Variants in MC1R observed in about 807,000 individuals in gnomAD.
The protein encoded by MC1R is melanocyte-stimulating hormone receptor.
For synonymous variants in MC1R, 263 were observed against 203.8 expected (o/e 1.29, Z -2.47); for missense variants, 542 against 430.0 (o/e 1.26, Z -2.30).
In MC1R at chr16:89,919,278, A is replaced by G. The variant is rs781549818; in HGVS notation, c.20A>G (p.Gln7Arg). ...AGGACTATGGCTGTGCAGGGATCCC[A>G]GAGAAGACTTCTGGGCTCCCTCAAC... is the stretch of plus-strand genomic sequence containing the variant. MAVQGS[Q>R]RRLLGSLNST... The change falls in exon 1 of 1, where the codon CAG (glutamine) becomes CGG (arginine). Residue 7 changes from glutamine (Q) to arginine (R), a missense_variant. Gln to Arg is a conservative substitution (Grantham distance 43). Transcript: ENST00000555147. 6.9e-6 allele frequency: 11 copies of G among 1,588,616 alleles called. No individual in the cohort carries two copies. Among genetic ancestry groups the G allele is most frequent in the Non-Finnish European group, 7.7e-6 (9 of 1,167,264 alleles).
At position 89,920,350 on chromosome 16, in the gene MC1R, A is replaced by G; in HGVS notation, c.*138A>G. Reference sequence around the variant, plus strand: ...AAGAGGATGGACTAAATGATCTCTGAAAGTGTTGAAGCGCGGACCCTTCTG... The same window carrying G: ...AAGAGGATGGACTAAATGATCTCTGGAAGTGTTGAAGCGCGGACCCTTCTG... On this transcript the variant is annotated 3_prime_UTR_variant, in exon 1 of 1. Transcript: ENST00000555147. The G allele has an allele frequency of 1.3e-6, 1 of 774,274 alleles. No individual in the cohort carries two copies. The highest frequency in any genetic ancestry group is 1.8e-5 in the South Asian group (1 of 55,540). The allele number at this position is 774,274 out of a possible 1,614,324, so 48.0% of individuals were successfully genotyped here.
In MC1R at chr16:89,920,074, G is replaced by T. The variant is rs374760264; in HGVS notation, c.816G>T (p.Thr272=). 1.9e-6 allele frequency: 3 copies of T among 1,613,802 alleles called. No homozygotes were observed. Among genetic ancestry groups the T allele is most frequent in the East Asian group, 4.5e-5 (2 of 44,882 alleles). ...TLIVLCPEHP[T]CGCIFKNFNL... ...TCGTCCTCTGCCCCGAGCACCCCAC[G>T]TGCGGCTGCATCTTCAAGAACTTCA... Residue 272 remains threonine (T), a synonymous_variant, in exon 1 of 1, where the codon ACG becomes ACT. Transcript: ENST00000555147.
chr16:89,920,706 C>T lies in MC1R; in HGVS notation c.*494C>T, dbSNP rs1265965528. On this transcript the variant is annotated 3_prime_UTR_variant, in exon 1 of 1. Coordinates refer to ENST00000555147, the MANE Select transcript of MC1R (RefSeq NM_002386.4). Reference sequence around the variant, plus strand: ...GGGCTTTGTGACCAGAAAGCTTCATCCACAGCCTTGCAGCGGCTCCTGCAA... The same window carrying T: ...GGGCTTTGTGACCAGAAAGCTTCATTCACAGCCTTGCAGCGGCTCCTGCAA... 4.2e-6 allele frequency: 3 copies of T among 716,996 alleles called. No homozygotes were observed. The highest frequency in any genetic ancestry group is 2.7e-5 in the East Asian group (1 of 37,292). 44.4% of individuals were successfully genotyped at this position (716,996 alleles called of 1,614,324 possible).
rs1261148813 is a variant in MC1R at position 89,920,537 on chromosome 16, C to A, written c.*325C>A. 1.8e-5 allele frequency: 11 copies of A among 628,346 alleles called. No individual in the cohort carries two copies. Among genetic ancestry groups the A allele is most frequent in the Non-Finnish European group, 3.2e-5 (11 of 344,572 alleles). The allele number at this position is 628,346 out of a possible 1,614,324, so 38.9% of individuals were successfully genotyped here. A position where few individuals can be genotyped will look rare whatever the true frequency, so the allele number is the denominator to read the frequency against. On this transcript the variant is annotated 3_prime_UTR_variant, in exon 1 of 1. Transcript: ENST00000555147. The stretch of plus-strand genomic sequence containing the variant: ...ATTTTCCGCCCACTCCTGGGACACT[C>A]CGTCTGCTCCAATGACTGAGCAGCA...
chr16:89,919,422 A>C lies in MC1R; in HGVS notation c.164A>C (p.Glu55Ala), dbSNP rs747948460. ...AGCCTGGGGCTGGTGAGCTTGGTGG[A>C]GAACGCGCTGGTGGTGGCCACCATC... ...FLSLGLVSLV[E>A]NALVVATIAK... The change falls in exon 1 of 1, where the codon GAG becomes GCG. Residue 55 changes from glutamate to alanine, a missense_variant. By Grantham distance (107) the Glu-to-Ala change is moderately radical. Transcript: ENST00000555147. 19 of 1,613,198 alleles carry C rather than the reference A, an allele frequency of 1.2e-5. No homozygotes were observed. The South Asian group carries it at 1.9e-4, about 16-fold the overall frequency.
rs762901370 is a variant in MC1R, at chr16:89,920,114, CTCA to C, written c.862_864del (p.Ile288del). The C allele has an allele frequency of 2.6e-5, 42 of 1,613,902 alleles. No homozygotes were observed. Among genetic ancestry groups the C allele is most frequent in the Non-Finnish European group, 3.4e-5 (40 of 1,179,908 alleles). On this transcript the variant is annotated inframe_deletion, in exon 1 of 1. Transcript: ENST00000555147. ...CAAGAACTTCAACCTCTTTCTCGCCCTCATCATCTGCAATGCCATCATCGACCC... is the reference window on the plus strand; with the variant it reads ...CAAGAACTTCAACCTCTTTCTCGCCCTCATCTGCAATGCCATCATCGACCC...
At position 89,920,079 on chromosome 16, in the gene MC1R, GC is replaced by G; in HGVS notation, c.822del (p.Cys275AlafsTer39). Reference protein sequence around the residue: ...IVLCPEHPTCGCIFKNFNLFL... With the variant: ...IVLCPEHPTCXCIFKNFNLFL... ...CTCTGCCCCGAGCACCCCACGTGCG[GC>G]TGCATCTTCAAGAACTTCAACCTCT... On this transcript the variant is annotated frameshift_variant, in exon 1 of 1. Transcript: ENST00000555147. LOFTEE classifies it low-confidence loss of function (END_TRUNC). The G allele has an allele frequency of 2.5e-6, 4 of 1,613,852 alleles. No homozygotes were observed. The highest frequency in any genetic ancestry group is 2.5e-6 in the Non-Finnish European group (3 of 1,179,882).
rs548480616 is a variant in MC1R, at chr16:89,919,029, C to T, written c.-230C>T. ...GGTTGTGAGAATCCCTGAGCCCAGGCGGTAGATGCCAGGAGGTGTCTGGAC... is the reference window on the plus strand; with the variant it reads ...GGTTGTGAGAATCCCTGAGCCCAGGTGGTAGATGCCAGGAGGTGTCTGGAC... On this transcript the variant is annotated 5_prime_UTR_variant, in exon 1 of 1. Coordinates refer to ENST00000555147, the MANE Select transcript of MC1R (RefSeq NM_002386.4). 6.8e-5 allele frequency: 38 copies of T among 554,748 alleles called. No individual in the cohort carries two copies. Among genetic ancestry groups the T allele is most frequent in the Middle Eastern group, 4.7e-4 (1 of 2,130 alleles). The allele number at this position is 554,748 out of a possible 1,614,324, so 34.4% of individuals were successfully genotyped here.
At position 89,920,900 on chromosome 16, in the gene MC1R, C is replaced by G. The variant is rs1304003592; in HGVS notation, c.*688C>G. 1 of 589,664 alleles carries G rather than the reference C, an allele frequency of 1.7e-6. No homozygotes were observed. Among genetic ancestry groups the G allele is most frequent in the Non-Finnish European group, 3.1e-6 (1 of 325,380 alleles). The allele number at this position is 589,664 out of a possible 1,614,324, so 36.5% of individuals were successfully genotyped here. A position where few individuals can be genotyped will look rare whatever the true frequency, so the allele number is the denominator to read the frequency against. The stretch of plus-strand genomic sequence containing the variant: ...CCAAGCAGACAGCCCTGGCAAATGC[C>G]TGACTCAGTGACCAGTGCCTGTGAG... On this transcript the variant is annotated 3_prime_UTR_variant, in exon 1 of 1. Coordinates refer to ENST00000555147, the MANE Select transcript of MC1R (RefSeq NM_002386.4).
chr16:89,919,227 C>T lies in MC1R; in HGVS notation c.-32C>T. On this transcript the variant is annotated 5_prime_UTR_variant, in exon 1 of 1. Transcript: ENST00000555147. ...AGAACTGTGGGGACCTGGAGGCCTC[C>T]AACGACTCCTTCCTGCTTCCTGGAC... 6.8e-7 allele frequency: 1 copy of T among 1,463,562 alleles called. No individual in the cohort carries two copies. 90.7% of individuals were successfully genotyped at this position (1,463,562 alleles called of 1,614,324 possible). A position where few individuals can be genotyped will look rare whatever the true frequency, so the allele number is the denominator to read the frequency against.
In MC1R at chr16:89,920,163, G is replaced by A; in HGVS notation, c.905G>A (p.Ser302Asn). The change falls in exon 1 of 1, where the codon AGC becomes AAC. Residue 302 changes from serine (S) to asparagine (N), a missense_variant. Ser to Asn is a conservative substitution (Grantham distance 46, BLOSUM62 1). Coordinates refer to ENST00000555147, the MANE Select transcript of MC1R (RefSeq NM_002386.4). ...GACCCCCTCATCTACGCCTTCCACA[G>A]CCAGGAGCTCCGCAGGACGCTCAAG... ...IIDPLIYAFH[S>N]QELRRTLKEV... 1 of 1,614,024 alleles carries A rather than the reference G, an allele frequency of 6.2e-7. No individual in the cohort carries two copies. The highest frequency in any genetic ancestry group is 8.5e-7 in the Non-Finnish European group (1 of 1,179,892).
At position 89,920,271 on chromosome 16, in the gene MC1R, C is replaced by A; in HGVS notation, c.*59C>A. ...GAGGGAGGTGGTGATATTGTGTGGTCTGGTTCCTGTGTGACCCTGGGCAGT... is the reference window on the plus strand; with the variant it reads ...GAGGGAGGTGGTGATATTGTGTGGTATGGTTCCTGTGTGACCCTGGGCAGT... On this transcript the variant is annotated 3_prime_UTR_variant, in exon 1 of 1. Coordinates refer to ENST00000555147, the MANE Select transcript of MC1R (RefSeq NM_002386.4). The A allele has an allele frequency of 6.9e-7, 1 of 1,447,934 alleles. No homozygotes were observed. Among genetic ancestry groups the A allele is most frequent in the Non-Finnish European group, 9.6e-7 (1 of 1,044,108 alleles). The allele number at this position is 1,447,934 out of a possible 1,614,324, so 89.7% of individuals were successfully genotyped here. A position where few individuals can be genotyped will look rare whatever the true frequency, so the allele number is the denominator to read the frequency against.
chr16:89,920,587 C>A lies in MC1R; in HGVS notation c.*375C>A. The A allele has an allele frequency of 1.5e-6, 1 of 672,394 alleles. No individual in the cohort carries two copies. The highest frequency in any genetic ancestry group is 1.6e-5 in the South Asian group (1 of 61,120). 41.7% of individuals were successfully genotyped at this position (672,394 alleles called of 1,614,324 possible). A position where few individuals can be genotyped will look rare whatever the true frequency, so the allele number is the denominator to read the frequency against. On this transcript the variant is annotated 3_prime_UTR_variant, in exon 1 of 1. Coordinates refer to ENST00000555147, the MANE Select transcript of MC1R (RefSeq NM_002386.4). ...ATCCACCCCACCCCATCTTTGCTGC[C>A]AGCTCTCAGGACCGTGCCCTCGTCA... is the stretch of plus-strand genomic sequence containing the variant.
At position 89,920,771 on chromosome 16, in the gene MC1R, T is replaced by G; in HGVS notation, c.*559T>G. On this transcript the variant is annotated 3_prime_UTR_variant, in exon 1 of 1. Coordinates refer to ENST00000555147, the MANE Select transcript of MC1R (RefSeq NM_002386.4). ...CCTGCCTCAGGCCAAGGGACCAGGT[T>G]TGCAGGAGCCCCCCTAGTGGTATGG... 1 of 700,590 alleles carries G rather than the reference T, an allele frequency of 1.4e-6. No individual in the cohort carries two copies. The highest frequency in any genetic ancestry group is 2.7e-5 in the East Asian group (1 of 37,112). The allele number at this position is 700,590 out of a possible 1,614,324, so 43.4% of individuals were successfully genotyped here.
chr16:89,919,998 T>G lies in MC1R; in HGVS notation c.740T>G (p.Leu247Arg), dbSNP rs910479534. Residue 247 changes from leucine to arginine, a missense_variant, in exon 1 of 1, where the codon CTG (leucine) becomes CGG (arginine). By Grantham distance (102) the Leu-to-Arg change is moderately radical. Transcript: ENST00000555147. ...GGCGCTGTCACCCTCACCATCCTGC[T>G]GGGCATTTTCTTCCTCTGCTGGGGC... ...LKGAVTLTILLGIFFLCWGPF... is the reference protein window; with the variant it reads ...LKGAVTLTILRGIFFLCWGPF... 1 of 1,613,426 alleles carries G rather than the reference T, an allele frequency of 6.2e-7. No individual in the cohort carries two copies. The highest frequency in any genetic ancestry group is 1.3e-5 in the African/African-American group (1 of 74,946).
Position 89,919,291 on chromosome 16 carries a change from G to C in MC1R, c.33G>C (p.Leu11=). 6.2e-7 allele frequency: 1 copy of C among 1,602,048 alleles called. No homozygotes were observed. Among genetic ancestry groups the C allele is most frequent in the East Asian group, 2.3e-5 (1 of 44,234 alleles). MAVQGSQRRL[L]GSLNSTPTAI... ...TGCAGGGATCCCAGAGAAGACTTCT[G>C]GGCTCCCTCAACTCCACCCCCACAG... Residue 11 remains leucine, a synonymous_variant, in exon 1 of 1, where the codon CTG becomes CTC. Coordinates refer to ENST00000555147, the MANE Select transcript of MC1R (RefSeq NM_002386.4).
Position 89,919,491 on chromosome 16 carries a change from G to C in MC1R, c.233G>C (p.Cys78Ser), listed in dbSNP as rs745939194. The change falls in exon 1 of 1, where the codon TGC becomes TCC. Residue 78 changes from cysteine to serine, a missense_variant. Transcript: ENST00000555147. ...CACTCACCCATGTACTGCTTCATCT[G>C]CTGCCTGGCCTTGTCGGACCTGCTG... Reference protein sequence around the residue: ...NLHSPMYCFICCLALSDLLVS... With the variant: ...NLHSPMYCFISCLALSDLLVS... 6.2e-7 allele frequency: 1 copy of C among 1,613,104 alleles called. No homozygotes were observed. Among genetic ancestry groups the C allele is most frequent in the African/African-American group, 1.3e-5 (1 of 74,936 alleles).
At position 89,920,344 on chromosome 16, in the gene MC1R, T is replaced by C. The variant is rs572754025; in HGVS notation, c.*132T>C. On this transcript the variant is annotated 3_prime_UTR_variant, in exon 1 of 1. Coordinates refer to ENST00000555147, the MANE Select transcript of MC1R (RefSeq NM_002386.4). ...TTGTCAAAGAGGATGGACTAAATGA[T>C]CTCTGAAAGTGTTGAAGCGCGGACC... The C allele has an allele frequency of 3.8e-5, 30 of 792,132 alleles. No individual in the cohort carries two copies. In the South Asian group the frequency reaches 4.8e-4, roughly 13 times the overall value. 49.1% of individuals were successfully genotyped at this position (792,132 alleles called of 1,614,324 possible).
chr16:89,920,185 CAAG>C lies in MC1R; in HGVS notation c.928_930del (p.Lys310del). 3 of 1,613,982 alleles carry C rather than the reference CAAG, an allele frequency of 1.9e-6. No homozygotes were observed. The highest frequency in any genetic ancestry group is 1.7e-5 in the Admixed American group (1 of 60,026). On this transcript the variant is annotated inframe_deletion, in exon 1 of 1. Transcript: ENST00000555147. ...ACAGCCAGGAGCTCCGCAGGACGCT[CAAG>C]GAGGTGCTGACATGCTCCTGGTGAG...
Sources: allele counts gnomAD v4.1 joint callset, GRCh38; gene constraint gnomAD v4.1.1; transcripts MANE v1.5; gene names NCBI Gene and HGNC (gene_info 2026-07-23, HGNC 2026-07-21).